RBPJ: variants seen among roughly 807,000 people sequenced by gnomAD.
The protein encoded by RBPJ is recombining binding protein suppressor of hairless.
A neutral mutation model predicts 67.8 loss-of-function variants in RBPJ; 9 were observed. That is an observed-to-expected ratio of 0.13 (90% CI 0.08 to 0.23). RBPJ has a LOEUF of 0.23. RBPJ is among the 10% of genes least tolerant of loss of function. The probability of loss-of-function intolerance (pLI) is 1.00; values close to 1 mark genes in which losing one functional copy is unlikely to be tolerated. For synonymous variants in RBPJ, 198 were observed against 203.3 expected (o/e 0.97, Z 0.22); for missense variants, 305 against 595.6 (o/e 0.51, Z 5.08).
chr4:26,340,117 A>T lies in RBPJ; in HGVS notation c.20+19069A>T, dbSNP rs763053231. On this transcript the variant is annotated intron_variant, in intron 1 of 10. Transcript: ENST00000355476. Reference sequence around the variant, plus strand: ...TGCTAGTAGTAAAGACAAAATTTTAAAAGTAATTAACATTATGTTAGAAGG... The same window carrying T: ...TGCTAGTAGTAAAGACAAAATTTTATAAGTAATTAACATTATGTTAGAAGG... 1.2e-3 allele frequency among the ~76,000 whole-genome samples: 176 copies of T among 152,268 alleles called. 2 individuals are homozygous for T. Among genetic ancestry groups the T allele is most frequent in the Non-Finnish European group, 4.7e-4 (32 of 68,048 alleles).
At chr4:26,146,578 A>C in the RBPJ span, among the ~76,000 whole-genome samples, 2 of 152,198 alleles carry the variant, frequency 1.3e-5, no homozygotes, top group South Asian at 4.1e-4. Flanking sequence ...TTCACAAGAC[A>C]CCATTAAGAA....
chr4:26,185,254 A>G (rs1717198790), intron 1 of RBPJ, among the ~76,000 whole-genome samples: 1 of 151,936 alleles, frequency 6.6e-6, no homozygotes, highest in Non-Finnish European at 1.5e-5. Flanking sequence ...CAAAGTGGCA[A>G]ACTTCTTACG....
intron 1 of RBPJ, among the ~76,000 whole-genome samples, chr4:26,380,863 A>T (rs1382319557): frequency 1.3e-5 from 2 of 151,854 alleles, no homozygotes; most frequent in African/African-American, 4.8e-5. Flanking sequence ...TAAATAGAAG[A>T]TTTGTGAAAT....
chr4:26,378,278 G>T (rs1488442138), intron 1 of RBPJ, among the ~76,000 whole-genome samples: 2 of 152,168 alleles, frequency 1.3e-5, no homozygotes, highest in Non-Finnish European at 2.9e-5. Context: ...ATGTCAGTTT[G>T]TCTCATTCAG....
intron 1 of RBPJ, among the ~76,000 whole-genome samples, chr4:26,242,047 T>G (rs1014404033): frequency 5.3e-5 from 8 of 152,168 alleles, no homozygotes; most frequent in Non-Finnish European, 7.4e-5. Context: ...AGATCCTCCT[T>G]TCTTGTCCAG....
chr4:26,337,476 T>C (rs1383533799), intron 1 of RBPJ, among the ~76,000 whole-genome samples: 1 of 152,064 alleles, frequency 6.6e-6, no homozygotes, highest in African/African-American at 2.4e-5. Flanking sequence ...GCTCTGGCTA[T>C]CCACAGGTGT....
At chr4:26,312,641 G>A (rs1419032257) in intron 1 of RBPJ, among the ~76,000 whole-genome samples, 1 of 152,112 alleles carries the variant, frequency 6.6e-6, no homozygotes, top group Non-Finnish European at 1.5e-5. Flanking sequence ...GCAAGGACTG[G>A]GCCCATGAGG....
chr4:26,217,612 C>T (rs753393997), intron 1 of RBPJ, among the ~76,000 whole-genome samples: 16 of 152,146 alleles, frequency 1.1e-4, no homozygotes, highest in Non-Finnish European at 2.2e-4. Context: ...AAGCGGCCTC[C>T]TGATTTGAAG....
At chr4:26,214,748 AAGAGAAAAAG>A (rs1718590746) in intron 1 of RBPJ, among the ~76,000 whole-genome samples, 1 of 59,878 alleles carries the variant, frequency 1.7e-5, no homozygotes. Flanking sequence ...GAGAGAGAGA[AAGAGAAAAAG>A]AGAGAAAAAA....
At chr4:26,297,308 TAAAC>T (rs201153862) in intron 1 of RBPJ, among the ~76,000 whole-genome samples, 3,165 of 150,534 alleles carry the variant, frequency 0.021, 58 homozygotes, top group Middle Eastern at 0.11. Flanking sequence ...GTCTCAAAGA[TAAAC>T]AAATAAATTT....
chr4:26,124,993 G>A, the RBPJ span, among the ~76,000 whole-genome samples: 1 of 152,098 alleles, frequency 6.6e-6, no homozygotes, highest in Non-Finnish European at 1.5e-5. Context: ...CCCCTAAGAT[G>A]TTGTCTTCGG....
chr4:26,420,893 T>C, intron 5 of RBPJ, 168 bp downstream of exon 5: 1 of 574,166 alleles, frequency 1.7e-6, no homozygotes, highest in East Asian at 3.1e-5. Flanking sequence ...CAGTATGTGG[T>C]CTAATGAAGC....
At chr4:26,351,561 T>C (rs180739469) in intron 1 of RBPJ, among the ~76,000 whole-genome samples, 49 of 152,212 alleles carry the variant, frequency 3.2e-4, no homozygotes, top group African/African-American at 1.2e-3. Flanking sequence ...TTGTATTTTT[T>C]GTAGAGAGAG....
the RBPJ span, among the ~76,000 whole-genome samples, chr4:26,152,340 T>C: frequency 0.01 from 1,555 of 152,288 alleles, 31 homozygotes; most frequent in African/African-American, 0.036. Flanking sequence ...CCCTGAACAC[T>C]AGAGAGAATG....
intron 1 of RBPJ, among the ~76,000 whole-genome samples, chr4:26,249,089 T>C (rs1720014839): frequency 6.6e-6 from 1 of 152,136 alleles, no homozygotes; most frequent in Admixed American, 6.5e-5. Flanking sequence ...ACAGTTGGTA[T>C]ACAATAACTA....
At chr4:26,137,522 T>G in the RBPJ span, among the ~76,000 whole-genome samples, 1 of 152,122 alleles carries the variant, frequency 6.6e-6, no homozygotes, top group Non-Finnish European at 1.5e-5. Flanking sequence ...AGAAGCAGTG[T>G]GGGGTCAAGT....
intron 1 of RBPJ, among the ~76,000 whole-genome samples, chr4:26,254,538 T>C (rs1030837492): frequency 6.7e-6 from 1 of 148,882 alleles, no homozygotes; most frequent in East Asian, 1.9e-4. Context: ...CACCCCACTT[T>C]ATTTTCTTTA....
intron 2 of RBPJ, among the ~76,000 whole-genome samples, chr4:26,399,697 G>GTT (rs151110866): frequency 3.8e-4 from 57 of 151,072 alleles, no homozygotes; most frequent in Non-Finnish European, 7.7e-4. Context: ...TTTTTGTTTT[G>GTT]TTTTTTTTGT....
At chr4:26,247,629 C>T (rs907216282) in intron 1 of RBPJ, among the ~76,000 whole-genome samples, 20 of 152,066 alleles carry the variant, frequency 1.3e-4, no homozygotes, top group African/African-American at 4.6e-4. Flanking sequence ...AGGCTGGTCT[C>T]GAACTCCCAA....
Sources: allele counts gnomAD v4.1 joint callset (sites outside exome capture counted in the v4.1 genomes callset), GRCh38; gene constraint gnomAD v4.1.1; transcripts MANE v1.5; gene names NCBI Gene and HGNC (gene_info 2026-07-23, HGNC 2026-07-21).